Variants in PAPPA observed in about 807,000 individuals in gnomAD.
PAPPA encodes pappalysin-1.
PAPPA carries 60 observed loss-of-function variants against 164.0 expected under a neutral mutation model. The ratio of observed to expected loss-of-function variants is 0.37; its 90% CI spans 0.30 to 0.45. The LOEUF (loss-of-function observed/expected upper bound fraction) is 0.45, where lower values mean the gene tolerates loss of function less well. PAPPA is among the 20% of genes least tolerant of loss of function. PAPPA has a pLI of 1.00. For synonymous variants in PAPPA, 875 were observed against 814.1 expected (o/e 1.07, Z -1.27); for missense variants, 1,782 against 2,087.3 (o/e 0.85, Z 2.85).
chr9:116,316,969 A>C (rs1035980276), intron 10 of PAPPA, among the ~76,000 whole-genome samples: 3 of 152,184 alleles, frequency 2.0e-5, no homozygotes, highest in African/African-American at 7.2e-5. Context: ...CAGGACTCAG[A>C]GACAATGCAC....
At chr9:116,267,380 A>G (rs911385995) in intron 8 of PAPPA, among the ~76,000 whole-genome samples, 1 of 152,264 alleles carries the variant, frequency 6.6e-6, no homozygotes, top group Non-Finnish European at 1.5e-5. Flanking sequence ...ATTTGCCAGC[A>G]GTGTTCTTTC....
At chr9:116,155,867 C>A (rs374802493) in intron 1 of PAPPA, among the ~76,000 whole-genome samples, 2 of 152,054 alleles carry the variant, frequency 1.3e-5, no homozygotes, top group Non-Finnish European at 2.9e-5. Context: ...TTCCCCCCAA[C>A]AACCCACAAC....
At position 116,154,250 on chromosome 9, in the gene PAPPA, C is replaced by T; in HGVS notation, c.78C>T (p.Arg26=). Residue 26 remains arginine (R), a synonymous_variant, in exon 1 of 22, where the codon CGC becomes CGT. Transcript: ENST00000328252. This position sits in a 1 kb window ranked among gnomAD's most constrained non-coding sequence, Gnocchi z 5.2. ...ALGCGLAERP[R]RARRDPRAGR... is the part of the protein sequence containing the mutation. ...GCTGCGGGCTGGCCGAGCGTCCCCG[C>T]CGGGCCCGGAGAGACCCGCGGGCCG... is the stretch of plus-strand genomic sequence containing the variant. The T allele has an allele frequency of 2.2e-6, 3 of 1,377,396 alleles. No individual in the cohort carries two copies. The highest frequency in any genetic ancestry group is 2.8e-6 in the Non-Finnish European group (3 of 1,056,464). The allele number at this position is 1,377,396 out of a possible 1,614,324, so 85.3% of individuals were successfully genotyped here. A position where few individuals can be genotyped will look rare whatever the true frequency, so the allele number is the denominator to read the frequency against.
At chr9:116,159,128 C>A (rs79851548) in intron 1 of PAPPA, among the ~76,000 whole-genome samples, 1 of 152,230 alleles carries the variant, frequency 6.6e-6, no homozygotes, top group Non-Finnish European at 1.5e-5. Context: ...ATCAAATTAT[C>A]AGACAGACAG....
At chr9:116,267,711 A>C (rs988795996) in intron 8 of PAPPA, among the ~76,000 whole-genome samples, 9 of 151,530 alleles carry the variant, frequency 5.9e-5, no homozygotes, top group Non-Finnish European at 1.3e-4. Flanking sequence ...GTCTCTACTA[A>C]AAAAATACAA....
chr9:116,189,234 C>A (rs72752154), intron 2 of PAPPA, among the ~76,000 whole-genome samples: 40,950 of 152,116 alleles, frequency 0.27, 6,573 homozygotes, highest in Non-Finnish European at 0.36. Context: ...TAAGGTTGAA[C>A]TGTATTTGGG....
chr9:116,393,616 G>A (rs924428651), intron 21 of PAPPA, among the ~76,000 whole-genome samples: 26 of 152,102 alleles, frequency 1.7e-4, no homozygotes, highest in African/African-American at 5.1e-4. Context: ...AGTAATTGCC[G>A]TTTTTACCAT....
chr9:116,219,813 A>G (rs1844419823), intron 4 of PAPPA, 124 bp from the exon 5 acceptor site: 2 of 697,302 alleles, frequency 2.9e-6, no homozygotes, highest in Middle Eastern at 4.1e-4. Flanking sequence ...GGAAGAGGCC[A>G]GCCCTGAGTT....
rs539565444 is a variant in PAPPA, at chr9:116,383,565, C to T, written c.4776+1072C>T. ...GAGTGAGGTTCCTGGATTCCAATCC[C>T]AGTCCCTTTATTTTGCAACATCCTT... is the stretch of plus-strand genomic sequence containing the variant. On this transcript the variant is annotated intron_variant, in intron 21 of 21. Coordinates refer to ENST00000328252, the MANE Select transcript of PAPPA (RefSeq NM_002581.5). Among the ~76,000 whole-genome samples the T allele has an allele frequency of 2.5e-4, 38 of 152,280 alleles. No individual in the cohort carries two copies. In the East Asian group the frequency reaches 7.3e-3, roughly 29 times the overall value.
In PAPPA at chr9:116,266,505, T is replaced by C. The variant is rs182254729; in HGVS notation, c.2861+520T>C. ...AGTGGAGTATTTTAACTCACTACAA[T>C]GTTTAAACCATAAATAATAAACAGT... On this transcript the variant is annotated intron_variant, in intron 8 of 21. Coordinates refer to ENST00000328252, the MANE Select transcript of PAPPA (RefSeq NM_002581.5). Among the ~76,000 whole-genome samples the C allele has an allele frequency of 1.0e-3, 152 of 152,334 alleles. 1 individual carries two copies. Among genetic ancestry groups the C allele is most frequent in the Non-Finnish European group, 3.1e-4 (21 of 68,018 alleles).
At chr9:116,286,308 G>C (rs1280479186) in intron 9 of PAPPA, 1 of 152,082 alleles carries the variant, frequency 6.6e-6, no homozygotes, top group Non-Finnish European at 1.5e-5. Flanking sequence ...CTCTCGGATG[G>C]CCCCAAATTG....
At chr9:116,267,900 A>G (rs974999589) in intron 8 of PAPPA, among the ~76,000 whole-genome samples, 2 of 151,340 alleles carry the variant, frequency 1.3e-5, no homozygotes, top group South Asian at 4.2e-4. Flanking sequence ...AAAAAAAAAA[A>G]AAAAAAAAAG....
chr9:116,187,740 C>T lies in PAPPA; in HGVS notation c.1002C>T (p.Asn334=). Residue 334 remains asparagine (N), a synonymous_variant, in exon 2 of 22, where the codon AAC becomes AAT. Coordinates refer to ENST00000328252, the MANE Select transcript of PAPPA (RefSeq NM_002581.5). This position sits in a 1 kb window ranked among gnomAD's most constrained non-coding sequence, Gnocchi z 4.2. ...TGTGCGGACAGACATTGTGTGACAA[C>T]ACAGAGGTCATTGCCAGCTACAATC... is the stretch of plus-strand genomic sequence containing the variant. ...PPLCGQTLCD[N]TEVIASYNQL... 1 of 1,614,258 alleles carries T rather than the reference C, an allele frequency of 6.2e-7. No individual in the cohort carries two copies. Among genetic ancestry groups the T allele is most frequent in the South Asian group, 1.1e-5 (1 of 91,090 alleles).
Position 116,335,019 on chromosome 9 carries a change from C to A in PAPPA, c.3556C>A (p.Pro1186Thr). 2 of 1,613,888 alleles carry A rather than the reference C, an allele frequency of 1.2e-6. No individual in the cohort carries two copies. The highest frequency in any genetic ancestry group is 8.5e-7 in the Non-Finnish European group (1 of 1,180,002). Residue 1186 changes from proline to threonine, a missense_variant, in exon 13 of 22, where the codon CCC (proline) becomes ACC (threonine). Coordinates refer to ENST00000328252, the MANE Select transcript of PAPPA (RefSeq NM_002581.5). ...VALRSFDNFD[P>T]VTLSSCQRGE... is the part of the protein sequence containing the mutation. Reference sequence around the variant, plus strand: ...CCTCCGTTCCTTCGACAACTTTGACCCCGTCACCCTGAGCAGCTGCCAGAG... The same window carrying A: ...CCTCCGTTCCTTCGACAACTTTGACACCGTCACCCTGAGCAGCTGCCAGAG...
intron 2 of PAPPA, among the ~76,000 whole-genome samples, chr9:116,200,106 C>A (rs1290865528): frequency 6.6e-6 from 1 of 152,144 alleles, no homozygotes; most frequent in African/African-American, 2.4e-5. Flanking sequence ...ACAGATGTAG[C>A]CATTGCTGTC....
chr9:116,353,056 G>C (rs1235381371), intron 16 of PAPPA, 140 bp downstream of exon 16: 4 of 727,608 alleles, frequency 5.5e-6, no homozygotes, highest in Non-Finnish European at 9.7e-6. Flanking sequence ...TGAGAAGCTA[G>C]AAGGATTTGT....
At position 116,219,948 on chromosome 9, in the gene PAPPA, A is replaced by G. The variant is rs1378781982; in HGVS notation, c.1930A>G (p.Thr644Ala). 5 of 1,612,830 alleles carry G rather than the reference A, an allele frequency of 3.1e-6. No individual in the cohort carries two copies. The highest frequency in any genetic ancestry group is 2.7e-5 in the African/African-American group (2 of 74,890). ...NFMSYADDDC[T>A]DSFTPNQVAR... ...CTGCCTGCTTGCAGATGACGACTGT[A>G]CGGACTCCTTCACGCCCAATCAAGT... The change falls in exon 5 of 22, where the codon ACG (threonine) becomes GCG (alanine). Residue 644 changes from threonine (T) to alanine (A), a missense_variant. By Grantham distance (58) the Thr-to-Ala change is moderately conservative. Coordinates refer to ENST00000328252, the MANE Select transcript of PAPPA (RefSeq NM_002581.5).
chr9:116,157,113 A>T (rs1292305320), intron 1 of PAPPA, among the ~76,000 whole-genome samples: 1 of 151,750 alleles, frequency 6.6e-6, no homozygotes, highest in Non-Finnish European at 1.5e-5. Context: ...GCCTTACATC[A>T]CTCTTTGCTG....
intron 9 of PAPPA, among the ~76,000 whole-genome samples, chr9:116,273,057 C>T (rs574904985): frequency 6.6e-6 from 1 of 152,236 alleles, no homozygotes; most frequent in South Asian, 2.1e-4. Flanking sequence ...TTATGGCAAC[C>T]AACACTAGTC....
Sources: gnomAD v4.1 joint callset for allele counts (sites outside exome capture counted in the v4.1 genomes callset) on GRCh38, gnomAD v4.1.1 for gene constraint, Gnocchi (gnomAD v3.1) non-coding constraint, MANE v1.5 for transcripts, NCBI Gene and HGNC (gene_info 2026-07-23, HGNC 2026-07-21) for gene names.